AKR1C2: variants seen among roughly 807,000 people sequenced by gnomAD.
The protein encoded by AKR1C2 is 3-alpha-HSD3.
Under a neutral mutation model 39.8 loss-of-function variants are expected in AKR1C2, and 27 were observed. The ratio of observed to expected loss-of-function variants is 0.68; its 90% CI spans 0.50 to 0.93. The LOEUF (loss-of-function observed/expected upper bound fraction) is 0.93, where lower values mean the gene tolerates loss of function less well. AKR1C2 is among the 40% of genes least tolerant of loss of function. The probability of loss-of-function intolerance (pLI) is 0.00; values close to 1 mark genes in which losing one functional copy is unlikely to be tolerated. For missense variants in AKR1C2, 263 were observed against 365.1 expected (o/e 0.72, Z 2.28); for synonymous variants, 114 against 137.9 (o/e 0.83, Z 1.22).
intron 7 of AKR1C2, among the ~76,000 whole-genome samples, chr10:4,994,269 C>T (rs369209581): frequency 2.6e-5 from 4 of 151,896 alleles, no homozygotes; most frequent in Non-Finnish European, 4.4e-5. Context: ...AATAATATAT[C>T]TATATATATT....
intron 1 of AKR1C2, chr10:5,010,379 T>C (rs1169736199): frequency 1.3e-5 from 2 of 152,042 alleles, no homozygotes; most frequent in Non-Finnish European, 2.9e-5. Flanking sequence ...GTCTGAGGAA[T>C]GGTAAGCTCT....
chr10:4,999,955 T>C (rs1214902288), intron 3 of AKR1C2: 1 of 998,262 alleles, frequency 1.0e-6, no homozygotes, highest in Admixed American at 5.3e-5. Context: ...TCATATCTAA[T>C]ATACCCTTTT....
At position 4,999,638 on chromosome 10, in the gene AKR1C2, C is replaced by G. The variant is rs545616390; in HGVS notation, c.370-361G>C. On this transcript the variant is annotated intron_variant, in intron 3 of 8. Coordinates refer to ENST00000380753, the MANE Select transcript of AKR1C2 (RefSeq NM_001393392.1). The stretch of plus-strand genomic sequence containing the variant: ...AGATATAATGGATTGTACTTTTTAC[C>G]CAGGTGCCACTATCAGAGTTCTTTA... 1.8e-3 allele frequency: 313 copies of G among 177,180 alleles called. 1 individual carries two copies. The highest frequency in any genetic ancestry group is 7.3e-3 in the African/African-American group (302 of 41,446). The allele number at this position is 177,180 out of a possible 1,614,324, so 11.0% of individuals were successfully genotyped here.
chr10:5,008,120 A>G (rs546822425), upstream of AKR1C2, among the ~76,000 whole-genome samples: 32 of 149,904 alleles, frequency 2.1e-4, no homozygotes, highest in Admixed American at 5.3e-4. Context: ...CAAGCGGCTG[A>G]TAGATTTATA....
intron 1 of AKR1C2, chr10:5,010,340 A>G (rs1554774765): frequency 6.6e-6 from 1 of 151,938 alleles, no homozygotes; most frequent in South Asian, 2.1e-4. Flanking sequence ...CTCATTTCAC[A>G]TACAAATCTG....
chr10:5,007,809 A>C (rs1473540089), upstream of AKR1C2, among the ~76,000 whole-genome samples: 1 of 151,930 alleles, frequency 6.6e-6, no homozygotes, highest in African/African-American at 2.4e-5. Flanking sequence ...ATTTCCTTCC[A>C]AATTACAATG....
rs1384547783 is a variant in AKR1C2 at position 5,000,632 on chromosome 10, C to T, written c.287G>A (p.Arg96Gln). 12 of 1,613,848 alleles carry T rather than the reference C, an allele frequency of 7.4e-6. No homozygotes were observed. The highest frequency in any genetic ancestry group is 6.7e-5 in the Admixed American group (4 of 59,998). ...WSNSHRPELVRPALERSLKNL... is the reference protein window; with the variant it reads ...WSNSHRPELVQPALERSLKNL... ...TTTCAGTGACCTTTCCAAGGCTGGT[C>T]GGACCAACTCTGGTCGATGGGAATT... The change falls in exon 3 of 9, where the codon CGA (arginine) becomes CAA (glutamine). Residue 96 changes from arginine (R) to glutamine (Q), a missense_variant. Around this residue, in one of 3 missense-constraint regions of AKR1C2, gnomAD observed 247 missense variants for 267.9 expected, o/e 0.92. Transcript: ENST00000380753.
At chr10:4,996,895 CAAAG>C (rs1159203694) in intron 5 of AKR1C2, among the ~76,000 whole-genome samples, 6 of 151,822 alleles carry the variant, frequency 4.0e-5, no homozygotes, top group African/African-American at 1.2e-4. Context: ...TAAGAAATAA[CAAAG>C]AAGAAAACAG....
In AKR1C2 at chr10:5,001,408, T is replaced by C. The variant is rs186896635; in HGVS notation, c.252+106A>G. The C allele has an allele frequency of 2.6e-6, 4 of 1,517,252 alleles. No homozygotes were observed. In the East Asian group the frequency reaches 6.8e-5, roughly 26 times the overall value. 94.0% of individuals were successfully genotyped at this position (1,517,252 alleles called of 1,614,324 possible). ...ATGAGTAAGTGTGAATAAATCGAAA[T>C]AAATAAGCACAATTCACCCTCAACT... On this transcript the variant is annotated intron_variant, in intron 2 of 8. Coordinates refer to ENST00000380753, the MANE Select transcript of AKR1C2 (RefSeq NM_001393392.1).
intron 5 of AKR1C2, among the ~76,000 whole-genome samples, chr10:4,996,348 A>T (rs184937102): frequency 1.3e-5 from 2 of 151,658 alleles, no homozygotes; most frequent in Admixed American, 6.6e-5. Flanking sequence ...ATATAGATGA[A>T]CTAGAAAATA....
intron 5 of AKR1C2, chr10:4,996,223 TGAAAAAC>T: frequency 9.1e-6 from 2 of 219,052 alleles, no homozygotes; most frequent in Non-Finnish European, 1.8e-5. Flanking sequence ...AGGGCAGGTC[TGAAAAAC>T]AAAAGAACTA....
Position 5,003,818 on chromosome 10 carries a change from C to T in AKR1C2, c.18G>A (p.Gln6=), listed in dbSNP as rs200242177. 2.3e-5 allele frequency: 37 copies of T among 1,614,020 alleles called. No homozygotes were observed. Among genetic ancestry groups the T allele is most frequent in the Non-Finnish European group, 1.9e-5 (23 of 1,179,994 alleles). MDSKY[Q]CVKLNDGHFM... ...AGTGACCATCATTCAGCTTCACACA[C>T]TGGTATTTCGAATCCATTTCTGTCA... The change falls in exon 1 of 9, where the codon CAG becomes CAA. Residue 6 remains glutamine, a synonymous_variant. Transcript: ENST00000380753.
upstream of AKR1C2, chr10:5,003,936 A>G (rs1282157411): frequency 8.4e-6 from 7 of 832,936 alleles, no homozygotes; most frequent in Non-Finnish European, 1.4e-5. Context: ...CTGGTTAACC[A>G]ATGGCATGTG....
At chr10:5,012,995 T>C (rs782617793) in intron 1 of AKR1C2, among the ~76,000 whole-genome samples, 14 of 152,208 alleles carry the variant, frequency 9.2e-5, no homozygotes, top group Non-Finnish European at 1.6e-4. Flanking sequence ...AATTCTTCTC[T>C]TCCTACACTT....
intron 1 of AKR1C2, among the ~76,000 whole-genome samples, chr10:5,012,215 A>G (rs1554774977): frequency 6.6e-6 from 1 of 151,930 alleles, no homozygotes; most frequent in Admixed American, 6.6e-5. Context: ...ACTTTCTATT[A>G]GCAAGGCTAG....
intron 3 of AKR1C2, 110 bp from the exon 4 acceptor site, chr10:4,999,387 G>A (rs1454661443): frequency 6.2e-7 from 1 of 1,608,200 alleles, no homozygotes; most frequent in Non-Finnish European, 8.5e-7. Context: ...AGGTGATGCA[G>A]CGCTCCAGAG....
intron 3 of AKR1C2, chr10:5,000,166 T>C (rs1837211578): frequency 7.4e-7 from 1 of 1,347,768 alleles, no homozygotes; most frequent in Non-Finnish European, 9.5e-7. Context: ...AGATGGAAAC[T>C]CATTGTGCAC....
chr10:4,994,431 G>C (rs551895638), intron 7 of AKR1C2, among the ~76,000 whole-genome samples: 153 of 152,212 alleles, frequency 1.0e-3, no homozygotes, highest in African/African-American at 3.5e-3. Flanking sequence ...GAGGTGGTGT[G>C]TGTTTCCCCA....
chr10:4,997,249 A>G lies in AKR1C2; in HGVS notation c.570+1376T>C, dbSNP rs1225595328. ...AACTTTTAATTTACAGGAACCTTCAACTGGGAAAAACAAGTTAACTGATAT... is the reference window on the plus strand; with the variant it reads ...AACTTTTAATTTACAGGAACCTTCAGCTGGGAAAAACAAGTTAACTGATAT... On this transcript the variant is annotated intron_variant, in intron 5 of 8. Transcript: ENST00000380753. 3 of 152,352 alleles carry G rather than the reference A, an allele frequency of 2.0e-5. No individual in the cohort carries two copies. The East Asian group carries it at 5.8e-4, about 29-fold the overall frequency. The allele number at this position is 152,352 out of a possible 1,614,324, so 9.4% of individuals were successfully genotyped here.
Sources: allele counts gnomAD v4.1 joint callset (sites outside exome capture counted in the v4.1 genomes callset), GRCh38; gene constraint gnomAD v4.1.1; regional missense constraint gnomAD v4.1.1; transcripts MANE v1.5; gene names NCBI Gene and HGNC (gene_info 2026-07-23, HGNC 2026-07-21).